Variants in PDCD6IP observed in about 807,000 individuals in gnomAD.
PDCD6IP encodes programmed cell death 6-interacting protein.
Under a neutral mutation model 103.7 loss-of-function variants are expected in PDCD6IP, and 43 were observed. The ratio of observed to expected loss-of-function variants is 0.41; its 90% confidence interval spans 0.32 to 0.53. PDCD6IP has a LOEUF of 0.53. PDCD6IP is among the 20% of genes least tolerant of loss of function. The pLI, the probability that PDCD6IP is intolerant of heterozygous loss-of-function variation, is 0.16. For synonymous variants in PDCD6IP, 354 were observed against 378.7 expected (o/e 0.93, Z 0.76); for missense variants, 871 against 1,036.7 (o/e 0.84, Z 2.20).
intron 11 of PDCD6IP, 54 bp downstream of exon 11, chr3:33,844,277 C>T (rs760522338): frequency 4.9e-5 from 49 of 992,770 alleles, no homozygotes; most frequent in Non-Finnish European, 6.5e-5. Flanking sequence ...TTTCGACCCA[C>T]GTTTTTGCTT....
intron 15 of PDCD6IP, among the ~76,000 whole-genome samples, chr3:33,863,233 C>T (rs962128276): frequency 1.3e-5 from 2 of 152,076 alleles, no homozygotes; most frequent in African/African-American, 4.8e-5. Flanking sequence ...ATAATCAAAT[C>T]AAGGCAATTA....
intron 8 of PDCD6IP, 81 bp from the exon 9 acceptor site, chr3:33,838,123 G>T: frequency 7.9e-7 from 1 of 1,258,552 alleles, no homozygotes; most frequent in Non-Finnish European, 1.1e-6. Flanking sequence ...TGTGAATATT[G>T]GAAAGAAAAT....
rs200171621 is a variant in PDCD6IP, at chr3:33,852,691, C to G, written c.1845C>G (p.Val615=). The G allele has an allele frequency of 1.1e-4, 173 of 1,580,308 alleles. No individual in the cohort carries two copies. Among genetic ancestry groups the G allele is most frequent in the Non-Finnish European group, 1.4e-4 (164 of 1,171,190 alleles). ...TCTATGGAGGTCTTACAACTAAAGT[C>G]CAAGAATCTCTAAAGAAACAGGAGG... ...DRVYGGLTTK[V]QESLKKQEGL... is the part of the protein sequence containing the mutation. The change falls in exon 13 of 18, where the codon GTC becomes GTG. Residue 615 remains valine, a synonymous_variant. Transcript: ENST00000307296.
chr3:33,840,309 T>C (rs72619960), intron 9 of PDCD6IP, among the ~76,000 whole-genome samples: 20,323 of 152,234 alleles, frequency 0.13, 1,807 homozygotes, highest in East Asian at 0.39. Context: ...TCCTTGTCTA[T>C]TTCAAGTTTG....
chr3:33,842,322 A>T (rs1229399457), intron 10 of PDCD6IP, among the ~76,000 whole-genome samples: 1 of 152,180 alleles, frequency 6.6e-6, no homozygotes, highest in Non-Finnish European at 1.5e-5. Flanking sequence ...CACTGTGTAA[A>T]ACTAGTATAC....
At chr3:33,846,563 A>G (rs1697596633) in intron 12 of PDCD6IP, among the ~76,000 whole-genome samples, 1 of 152,220 alleles carries the variant, frequency 6.6e-6, no homozygotes, top group Admixed American at 6.5e-5. Flanking sequence ...CTTAAATTTC[A>G]GTAATTTTGG....
chr3:33,863,124 C>G (rs1271206258), intron 15 of PDCD6IP, among the ~76,000 whole-genome samples: 1 of 151,884 alleles, frequency 6.6e-6, no homozygotes, highest in African/African-American at 2.4e-5. Flanking sequence ...ATACTTTGAT[C>G]ATGAATACAA....
At chr3:33,805,980 T>C (rs1204855423) in intron 1 of PDCD6IP, among the ~76,000 whole-genome samples, 1 of 151,326 alleles carries the variant, frequency 6.6e-6, no homozygotes, top group African/African-American at 2.4e-5. Context: ...CTCCTGACCT[T>C]GTGATCCGCC....
At position 33,868,025 on chromosome 3, in the gene PDCD6IP, T is replaced by C. The variant is rs912724998; in HGVS notation, c.*1500T>C. On this transcript the variant is annotated 3_prime_UTR_variant, in exon 18 of 18. Transcript: ENST00000307296. ...GTTGTGTGTAGGAAACATGAAGGCATGTTAATTCAATATAAATGACCTTTG... is the reference window on the plus strand; with the variant it reads ...GTTGTGTGTAGGAAACATGAAGGCACGTTAATTCAATATAAATGACCTTTG... The C allele has an allele frequency of 2.0e-5, 3 of 152,216 alleles. No homozygotes were observed. Among genetic ancestry groups the C allele is most frequent in the Admixed American group, 1.3e-4 (2 of 15,282 alleles). The allele number at this position is 152,216 out of a possible 1,614,324, so 9.4% of individuals were successfully genotyped here.
intron 8 of PDCD6IP, among the ~76,000 whole-genome samples, chr3:33,836,711 TAACTG>T (rs905545279): frequency 1.4e-5 from 2 of 146,548 alleles, no homozygotes; most frequent in African/African-American, 2.5e-5. Flanking sequence ...AAAAAAAAAT[TAACTG>T]GGCATGGTGG....
At chr3:33,829,064 C>G in intron 7 of PDCD6IP, 95 bp downstream of exon 7, 1 of 898,800 alleles carries the variant, frequency 1.1e-6, no homozygotes, top group Non-Finnish European at 1.6e-6. Context: ...AAACCTTTCC[C>G]GTTCATCACC....
Position 33,798,779 on chromosome 3 carries a change from G to C in PDCD6IP, c.51G>C (p.Leu17=). 2 of 1,574,280 alleles carry C rather than the reference G, an allele frequency of 1.3e-6. No individual in the cohort carries two copies. The highest frequency in any genetic ancestry group is 1.8e-5 in the Admixed American group (1 of 54,192). ...VQLKKTSEVD[L]AKPLVKFIQQ... ...TGAAAAAGACCTCAGAGGTGGACCT[G>C]GCCAAGCCGCTGGTGAAGTTCATCC... Residue 17 remains leucine, a synonymous_variant, in exon 1 of 18, where the codon CTG becomes CTC. Transcript: ENST00000307296.
At position 33,826,541 on chromosome 3, in the gene PDCD6IP, T is replaced by A. The variant is rs756397927; in HGVS notation, c.678T>A (p.Asp226Glu). The A allele has an allele frequency of 6.2e-7, 1 of 1,612,562 alleles. No individual in the cohort carries two copies. The highest frequency in any genetic ancestry group is 1.1e-5 in the South Asian group (1 of 90,832). Residue 226 changes from aspartate (D) to glutamate (E), a missense_variant, in exon 6 of 18, where the codon GAT (aspartate) becomes GAA (glutamate). Around this residue, in one of 5 missense-constraint regions of PDCD6IP, gnomAD observed 242 missense variants for 250.7 expected, o/e 0.97. Transcript: ENST00000307296. The stretch of plus-strand genomic sequence containing the variant: ...ATCAGGCTGCAGATTATTTTGGTGA[T>A]GCTTTCAAACAGTGTCAATACAAAG... ...LANQAADYFG[D>E]AFKQCQYKDT...
At chr3:33,837,236 T>G (rs576822325) in intron 8 of PDCD6IP, among the ~76,000 whole-genome samples, 6 of 152,268 alleles carry the variant, frequency 3.9e-5, no homozygotes, top group Non-Finnish European at 7.4e-5. Flanking sequence ...TTTAAACATG[T>G]AAACTTCTGG....
At chr3:33,807,380 C>G (rs547778465) in intron 1 of PDCD6IP, among the ~76,000 whole-genome samples, 3 of 152,306 alleles carry the variant, frequency 2.0e-5, no homozygotes, top group Non-Finnish European at 2.9e-5. Flanking sequence ...GTTCCATTCT[C>G]CCCTTTGCTT....
At chr3:33,855,470 A>G in intron 15 of PDCD6IP, 1 of 420,818 alleles carries the variant, frequency 2.4e-6, no homozygotes, top group Non-Finnish European at 4.3e-6. Flanking sequence ...CTCTAGATGC[A>G]GGAAGTACAG....
chr3:33,832,003 C>A (rs1203176605), intron 7 of PDCD6IP, among the ~76,000 whole-genome samples: 1 of 152,156 alleles, frequency 6.6e-6, no homozygotes, highest in Non-Finnish European at 1.5e-5. Flanking sequence ...TCCAAGATTT[C>A]ACTGTTATAA....
rs754477479 is a variant in PDCD6IP, at chr3:33,836,114, A to T, written c.905A>T (p.Asp302Val). ...DEYVNVKDFSDKINRALAAAK... is the reference protein window; with the variant it reads ...DEYVNVKDFSVKINRALAAAK... Reference sequence around the variant, plus strand: ...TATGTTAATGTGAAGGATTTTTCTGACAAAATCAATCGTGCCCTTGCTGCA... The same window carrying T: ...TATGTTAATGTGAAGGATTTTTCTGTCAAAATCAATCGTGCCCTTGCTGCA... The change falls in exon 8 of 18, where the codon GAC becomes GTC. Residue 302 changes from aspartate to valine, a missense_variant. Around this residue, in one of 5 missense-constraint regions of PDCD6IP, gnomAD observed 242 missense variants for 250.7 expected, o/e 0.97. Coordinates refer to ENST00000307296, the MANE Select transcript of PDCD6IP (RefSeq NM_013374.6). 3 of 1,612,550 alleles carry T rather than the reference A, an allele frequency of 1.9e-6. No individual in the cohort carries two copies. The South Asian group carries it at 3.3e-5, about 18-fold the overall frequency.
chr3:33,812,530 G>A (rs1033143964), intron 2 of PDCD6IP, among the ~76,000 whole-genome samples: 9 of 152,188 alleles, frequency 5.9e-5, no homozygotes, highest in Non-Finnish European at 1.2e-4. Context: ...TGCAAATGCT[G>A]TTTTGATTAA....
Sources: gnomAD v4.1 joint callset for allele counts (sites outside exome capture counted in the v4.1 genomes callset) on GRCh38, gnomAD v4.1.1 for gene constraint, gnomAD v4.1.1 regional missense constraint, MANE v1.5 for transcripts, NCBI Gene and HGNC (gene_info 2026-07-23, HGNC 2026-07-21) for gene names.